ANKS1B: variants seen among roughly 807,000 people sequenced by gnomAD.
ANKS1B encodes the protein ankyrin repeat and sterile alpha motif domain containing 1B.
ANKS1B carries 36 observed loss-of-function variants against 148.3 expected under a neutral mutation model. The ratio of observed to expected loss-of-function variants is 0.24; its 90% CI spans 0.19 to 0.32. ANKS1B has a LOEUF of 0.32. Among genes scored for constraint, ANKS1B ranks in the 10% least tolerant of loss-of-function variants. The pLI, the probability that ANKS1B is intolerant of heterozygous loss-of-function variation, is 1.00. For missense variants in ANKS1B, 1,157 were observed against 1,542.6 expected (o/e 0.75, Z 4.19); for synonymous variants, 542 against 560.8 (o/e 0.97, Z 0.47).
At chr12:99,517,150 G>A (rs978223368) in intron 9 of ANKS1B, among the ~76,000 whole-genome samples, 3 of 152,028 alleles carry the variant, frequency 2.0e-5, no homozygotes, top group Non-Finnish European at 2.9e-5. Context: ...CTATATATAT[G>A]AAATATCTTT....
At chr12:99,243,393 A>G (rs950170746) in intron 14 of ANKS1B, among the ~76,000 whole-genome samples, 3 of 152,220 alleles carry the variant, frequency 2.0e-5, no homozygotes, top group Non-Finnish European at 2.9e-5. Context: ...GCTGGAGAGG[A>G]CGTGGAGAAA....
At chr12:99,498,873 G>A (rs1266510006) in intron 10 of ANKS1B, among the ~76,000 whole-genome samples, 1 of 152,216 alleles carries the variant, frequency 6.6e-6, no homozygotes, top group African/African-American at 2.4e-5. Flanking sequence ...AGAGAGGTCA[G>A]TAACTTCCCT....
At chr12:99,784,461 C>T (rs980308096) in intron 4 of ANKS1B, among the ~76,000 whole-genome samples, 9 of 152,046 alleles carry the variant, frequency 5.9e-5, no homozygotes, top group Non-Finnish European at 1.3e-4. Flanking sequence ...CGTGAGCCAC[C>T]GCGCCTGGCC....
chr12:98,975,512 G>A (rs1003847754), intron 17 of ANKS1B, among the ~76,000 whole-genome samples: 8 of 152,054 alleles, frequency 5.3e-5, no homozygotes, highest in African/African-American at 1.4e-4. Flanking sequence ...AAGGGTGCAC[G>A]AAATAAAGTC....
chr12:98,849,269 C>G (rs79668608), intron 17 of ANKS1B, among the ~76,000 whole-genome samples: 3,520 of 151,248 alleles, frequency 0.023, 112 homozygotes, highest in African/African-American at 0.074. Flanking sequence ...TAACTCGCAT[C>G]AAGGTTTATA....
chr12:99,655,730 CT>C (rs2098446815), intron 8 of ANKS1B, among the ~76,000 whole-genome samples: 1 of 151,996 alleles, frequency 6.6e-6, no homozygotes, highest in South Asian at 2.1e-4. Context: ...ATATATTTTC[CT>C]TCGTTATCTC....
At chr12:99,114,972 A>G (rs1177519067) in intron 15 of ANKS1B, among the ~76,000 whole-genome samples, 1 of 152,048 alleles carries the variant, frequency 6.6e-6, no homozygotes, top group African/African-American at 2.4e-5. Context: ...AAAGTAAAAA[A>G]ATAACAGACG....
chr12:99,314,753 T>C (rs1006200885), intron 12 of ANKS1B, among the ~76,000 whole-genome samples: 5 of 151,922 alleles, frequency 3.3e-5, no homozygotes, highest in Non-Finnish European at 7.4e-5. Context: ...CTTATACCTT[T>C]TATAAAAATT....
rs1567332009 is a variant in ANKS1B, at chr12:99,551,546, AGG to A, written c.1273-46907_1273-46906del. ...AGGAGAGGAGAGGGGAGGGGAGGGGAGGGGAGGGGAGGGGAGGGGAGGGGAGA... is the reference window on the plus strand; with the variant it reads ...AGGAGAGGAGAGGGGAGGGGAGGGGAGGAGGGGAGGGGAGGGGAGGGGAGA... On this transcript the variant is annotated intron_variant, in intron 9 of 26. Coordinates refer to ENST00000683438, the MANE Select transcript of ANKS1B (RefSeq NM_001352186.2). Among the ~76,000 whole-genome samples the A allele has an allele frequency of 1.3e-4, 3 of 22,900 alleles. 1 individual carries two copies. The highest frequency in any genetic ancestry group is 4.2e-4 in the African/African-American group (3 of 7,172). 15.0% of individuals were successfully genotyped at this position (22,900 alleles called of 152,430 possible). A position where few individuals can be genotyped will look rare whatever the true frequency, so the allele number is the denominator to read the frequency against.
intron 9 of ANKS1B, among the ~76,000 whole-genome samples, chr12:99,610,294 G>A (rs981795256): frequency 1.3e-5 from 2 of 152,044 alleles, no homozygotes; most frequent in African/African-American, 2.4e-5. Context: ...AATAGACTGA[G>A]TAGGGAAATG....
chr12:98,984,829 G>A (rs1290865640), intron 17 of ANKS1B, among the ~76,000 whole-genome samples: 1 of 152,058 alleles, frequency 6.6e-6, no homozygotes, highest in Non-Finnish European at 1.5e-5. Flanking sequence ...GGGCAACATA[G>A]TGAGACCCCA....
At position 99,408,503 on chromosome 12, in the gene ANKS1B, T is replaced by C. The variant is rs2094584576; in HGVS notation, c.1576-8692A>G. Among the ~76,000 whole-genome samples, 2 of 145,526 alleles carry C rather than the reference T, an allele frequency of 1.4e-5. 1 individual carries two copies. The highest frequency in any genetic ancestry group is 1.4e-4 in the Admixed American group (2 of 14,622). On this transcript the variant is annotated intron_variant, in intron 11 of 26. Transcript: ENST00000683438. Reference sequence around the variant, plus strand: ...CAAAGCAAAAGCGGACAAGTGAGATTATATCAAGCTAAAAACTTCTGCACA... The same window carrying C: ...CAAAGCAAAAGCGGACAAGTGAGATCATATCAAGCTAAAAACTTCTGCACA...
intron 9 of ANKS1B, among the ~76,000 whole-genome samples, chr12:99,621,551 G>A (rs1437957278): frequency 6.6e-6 from 1 of 151,340 alleles, no homozygotes; most frequent in African/African-American, 2.4e-5. Context: ...AAGGTAAAGG[G>A]TTAGAGAAAG....
chr12:99,266,321 A>G (rs10860413), intron 12 of ANKS1B, among the ~76,000 whole-genome samples: 48,979 of 152,050 alleles, frequency 0.32, 9,430 homozygotes, highest in African/African-American at 0.54. Context: ...AGGGTCTCTG[A>G]TATGCAGAAA....
intron 17 of ANKS1B, chr12:98,894,517 G>A (rs1054241796): frequency 1.4e-5 from 13 of 956,562 alleles, no homozygotes; most frequent in Non-Finnish European, 1.4e-5. Flanking sequence ...AGCCTTCCCG[G>A]CTTGCCCGAC....
At chr12:99,430,970 C>A (rs2152748706) in intron 11 of ANKS1B, among the ~76,000 whole-genome samples, 1 of 152,246 alleles carries the variant, frequency 6.6e-6, no homozygotes, top group Middle Eastern at 3.4e-3. Context: ...AGAAAGCAAG[C>A]AGTGTGGTTA....
chr12:99,376,334 C>T (rs1401879037), intron 12 of ANKS1B, among the ~76,000 whole-genome samples: 2 of 152,214 alleles, frequency 1.3e-5, no homozygotes, highest in African/African-American at 2.4e-5. Context: ...TCCTGTTGCA[C>T]ACTCAGGTGA....
chr12:99,729,204 G>A (rs1013076110), intron 8 of ANKS1B, among the ~76,000 whole-genome samples: 5 of 152,172 alleles, frequency 3.3e-5, no homozygotes, highest in Non-Finnish European at 7.4e-5. Context: ...TTTGAAAGAC[G>A]CTTTTTCCGA....
At chr12:98,983,166 A>C (rs1317723383) in intron 17 of ANKS1B, among the ~76,000 whole-genome samples, 1 of 152,212 alleles carries the variant, frequency 6.6e-6, no homozygotes, top group Non-Finnish European at 1.5e-5. Flanking sequence ...GGGTCTCACC[A>C]GTCTAAAATC....
Sources: allele counts gnomAD v4.1 joint callset (sites outside exome capture counted in the v4.1 genomes callset), GRCh38; gene constraint gnomAD v4.1.1; transcripts MANE v1.5; gene names NCBI Gene and HGNC (gene_info 2026-07-23, HGNC 2026-07-21).